TFEC: variants seen among roughly 807,000 people sequenced by gnomAD.
TFEC encodes the protein transcription factor EC.
A neutral mutation model predicts 41.6 loss-of-function variants in TFEC; 31 were observed. The observed-to-expected ratio is 0.74, with a 90% CI of 0.56 to 1.01. The LOEUF is 1.01. TFEC is among the 50% of genes least tolerant of loss of function. The pLI is 0.00. For synonymous variants in TFEC, 143 were observed against 140.6 expected (o/e 1.02, Z -0.12); for missense variants, 402 against 404.1 (o/e 0.99, Z 0.04).
chr7:116,156,977 AT>A lies in TFEC; in HGVS notation c.-69+2812del, dbSNP rs767656788. Among the ~76,000 whole-genome samples the A allele has an allele frequency of 4.0e-3, 604 of 152,276 alleles. 4 individuals are homozygous for A. The highest frequency in any genetic ancestry group is 0.014 in the African/African-American group (569 of 41,554). Reference sequence around the variant, plus strand: ...TGTCTTACCTTTTGTTTAATACTGAATTTTATTTTGAAATAACTACAACTAA... The same window carrying A: ...TGTCTTACCTTTTGTTTAATACTGAATTTATTTTGAAATAACTACAACTAA... On this transcript the variant is annotated intron_variant, in intron 1 of 8. Transcript: ENST00000484212.
At chr7:116,016,353 T>C (rs1419527710) in intron 1 of TFEC, among the ~76,000 whole-genome samples, 1 of 152,166 alleles carries the variant, frequency 6.6e-6, no homozygotes, top group African/African-American at 2.4e-5. Flanking sequence ...CACCTTCTTC[T>C]CTCTCTCCAC....
chr7:115,978,941 T>C (rs959365151), intron 2 of TFEC, among the ~76,000 whole-genome samples: 5 of 152,168 alleles, frequency 3.3e-5, no homozygotes, highest in Non-Finnish European at 7.3e-5. Flanking sequence ...AGGGGATTTA[T>C]TTCTCATTCA....
intron 1 of TFEC, among the ~76,000 whole-genome samples, chr7:116,141,083 A>G (rs1418293033): frequency 6.6e-6 from 1 of 152,244 alleles, no homozygotes; most frequent in Non-Finnish European, 1.5e-5. Flanking sequence ...AAACAGATGC[A>G]TACCTATTAA....
chr7:116,004,509 G>C (rs2130787854), intron 1 of TFEC, among the ~76,000 whole-genome samples: 1 of 152,262 alleles, frequency 6.6e-6, no homozygotes, highest in African/African-American at 2.4e-5. Context: ...AACCACTCTG[G>C]TGAAGGTTAT....
intron 6 of TFEC, 31 bp downstream of exon 6, chr7:115,950,843 A>T: frequency 6.5e-7 from 1 of 1,539,496 alleles, no homozygotes; most frequent in Non-Finnish European, 8.9e-7. Context: ...TTAAATTATA[A>T]CATTATTATA....
At chr7:116,034,437 C>A (rs533193578), upstream of TFEC, among the ~76,000 whole-genome samples, 1 of 152,080 alleles carries the variant, frequency 6.6e-6, no homozygotes, top group South Asian at 2.1e-4. Context: ...CAGCCTTCCC[C>A]AACTAGATTA....
At chr7:115,951,033 T>TA in intron 5 of TFEC, 84 bp from the exon 6 acceptor site, 1 of 754,670 alleles carries the variant, frequency 1.3e-6, no homozygotes, top group Non-Finnish European at 2.0e-6. Flanking sequence ...AACAATCTTT[T>TA]AAAAACAATG....
At chr7:116,142,432 C>A (rs960243318) in intron 1 of TFEC, among the ~76,000 whole-genome samples, 2 of 152,154 alleles carry the variant, frequency 1.3e-5, no homozygotes, top group Non-Finnish European at 2.9e-5. Flanking sequence ...CTGGGTCCTA[C>A]CAGCTACAAT....
At chr7:116,024,304 T>C (rs1353771774) in intron 1 of TFEC, among the ~76,000 whole-genome samples, 1 of 151,718 alleles carries the variant, frequency 6.6e-6, no homozygotes, top group Non-Finnish European at 1.5e-5. Context: ...AGAGGCGAGG[T>C]TGTTCAAAAT....
Position 115,988,602 on chromosome 7 carries a change from C to A in TFEC, c.-72-4089G>T, listed in dbSNP as rs528556877. 1.1e-4 allele frequency among the ~76,000 whole-genome samples: 17 copies of A among 152,046 alleles called. No homozygotes were observed. The South Asian group carries it at 3.5e-3, about 32-fold the overall frequency. ...TGTGGGACAATGACAAAAGATGTAA[C>A]ATGTGCACAGTGGGAAAACCCAAGG... On this transcript the variant is annotated intron_variant, in intron 1 of 7. Transcript: ENST00000265440.
chr7:116,001,546 CA>C (rs927494723), intron 1 of TFEC, among the ~76,000 whole-genome samples: 1 of 149,190 alleles, frequency 6.7e-6, no homozygotes, highest in Non-Finnish European at 1.5e-5. Context: ...AACAAACAAA[CA>C]AAAAAAACAT....
intron 6 of TFEC, among the ~76,000 whole-genome samples, chr7:115,943,787 A>AT (rs1244116863): frequency 6.6e-6 from 1 of 151,454 alleles, no homozygotes; most frequent in African/African-American, 2.4e-5. Context: ...CTGCACAACA[A>AT]TTTTTTAAGA....
intron 1 of TFEC, among the ~76,000 whole-genome samples, chr7:116,142,280 T>C (rs1798556409): frequency 6.6e-6 from 1 of 152,204 alleles, no homozygotes; most frequent in African/African-American, 2.4e-5. Context: ...ACGCTAGCCA[T>C]AAACTCGTAG....
chr7:116,064,120 T>C (rs973350635), intron 3 of TFEC, among the ~76,000 whole-genome samples: 7 of 152,040 alleles, frequency 4.6e-5, no homozygotes, highest in Non-Finnish European at 1.0e-4. Context: ...GGATACAAAA[T>C]TTCAGCTAGA....
chr7:116,008,345 TACA>T (rs1794877974), intron 1 of TFEC, among the ~76,000 whole-genome samples: 1 of 152,102 alleles, frequency 6.6e-6, no homozygotes, highest in South Asian at 2.1e-4. Context: ...TAAAAACATA[TACA>T]ACATCACCAA....
At chr7:116,077,462 A>G (rs1796985422) in intron 3 of TFEC, among the ~76,000 whole-genome samples, 1 of 152,170 alleles carries the variant, frequency 6.6e-6, no homozygotes, top group African/African-American at 2.4e-5. Context: ...AAAGTGCTCC[A>G]CTTAAAAAAT....
chr7:116,146,799 A>C (rs1798650086), intron 1 of TFEC, among the ~76,000 whole-genome samples: 1 of 152,226 alleles, frequency 6.6e-6, no homozygotes, highest in African/African-American at 2.4e-5. Flanking sequence ...TGCTTTTATA[A>C]TAATCAGAAG....
At chr7:116,154,041 A>C (rs1267925801) in intron 1 of TFEC, among the ~76,000 whole-genome samples, 2 of 152,200 alleles carry the variant, frequency 1.3e-5, no homozygotes, top group South Asian at 4.1e-4. Context: ...TTCTGCTCTT[A>C]GTGGTAAAGT....
chr7:115,979,415 A>G (rs1230131854), intron 2 of TFEC, among the ~76,000 whole-genome samples: 5 of 151,870 alleles, frequency 3.3e-5, no homozygotes, highest in African/African-American at 4.8e-5. Flanking sequence ...ATTTTCCTCT[A>G]AGTCTTTTTA....
Sources: gnomAD v4.1 joint callset for allele counts (sites outside exome capture counted in the v4.1 genomes callset) on GRCh38, gnomAD v4.1.1 for gene constraint, MANE v1.5 for transcripts, NCBI Gene and HGNC (gene_info 2026-07-23, HGNC 2026-07-21) for gene names.